Variants in MUC13 observed in about 807,000 individuals in gnomAD.
The protein encoded by MUC13 is mucin-13.
Under a neutral mutation model 48.3 loss-of-function variants are expected in MUC13, and 32 were observed. The observed-to-expected ratio is 0.66, with a 90% CI of 0.50 to 0.89. MUC13 has a LOEUF of 0.89. MUC13 is among the 40% of genes least tolerant of loss of function. The pLI is 0.00. For synonymous variants in MUC13, 199 were observed against 224.9 expected, an observed-to-expected ratio of 0.88 and a Z score of 1.03; for missense variants, 571 against 622.8, an observed-to-expected ratio of 0.92 and a Z score of 0.88.
At chr3:124,933,342 T>C (rs1272043771) in intron 1 of MUC13, among the ~76,000 whole-genome samples, 1 of 152,214 alleles carries the variant, frequency 6.6e-6, no homozygotes, top group South Asian at 2.1e-4. Flanking sequence ...CATGATATAA[T>C]GAGTATTTTA....
chr3:124,934,262 T>C (rs893130620), intron 1 of MUC13, among the ~76,000 whole-genome samples: 1 of 152,184 alleles, frequency 6.6e-6, no homozygotes, highest in African/African-American at 2.4e-5. Context: ...GTTCAAGCGA[T>C]TCTTTCTGCC....
At chr3:124,934,549 A>C (rs1935851044) in intron 1 of MUC13, 112 bp downstream of exon 1, 1 of 743,916 alleles carries the variant, frequency 1.3e-6, no homozygotes. Context: ...AACTTCATTT[A>C]TAAAATAGAC....
chr3:124,919,339 A>AC (rs1329746387), intron 5 of MUC13, among the ~76,000 whole-genome samples: 8 of 84,234 alleles, frequency 9.5e-5, no homozygotes, highest in African/African-American at 3.1e-4. Context: ...TTCCATCTCA[A>AC]AAAAAAAAAA....
At chr3:124,930,983 C>G (rs1302804774) in intron 1 of MUC13, among the ~76,000 whole-genome samples, 2 of 152,144 alleles carry the variant, frequency 1.3e-5, no homozygotes, top group Non-Finnish European at 2.9e-5. Context: ...AGTCAAGGTG[C>G]TATACAAGGC....
intron 6 of MUC13, among the ~76,000 whole-genome samples, chr3:124,916,028 C>T (rs1935506234): frequency 6.6e-6 from 1 of 152,160 alleles, no homozygotes; most frequent in Admixed American, 6.5e-5. Context: ...TGACATAAAG[C>T]CCTGTTGTTT....
intron 5 of MUC13, 82 bp downstream of exon 5, chr3:124,920,152 A>T: frequency 8.5e-7 from 1 of 1,180,194 alleles, no homozygotes; most frequent in Non-Finnish European, 1.2e-6. Context: ...AGAGGGCCTT[A>T]ATGTTACATG....
At chr3:124,920,336 T>C (rs1276447638) in intron 4 of MUC13, 47 bp from the exon 5 acceptor site, 2 of 1,434,766 alleles carry the variant, frequency 1.4e-6, no homozygotes, top group East Asian at 2.4e-5. Flanking sequence ...AATTTTTTTT[T>C]CACATTTTCT....
rs559806570 is a variant in MUC13 at position 124,931,400 on chromosome 3, C to T, written c.52+3261G>A. Among the ~76,000 whole-genome samples the T allele has an allele frequency of 3.2e-4, 48 of 148,030 alleles. 1 individual carries two copies. The highest frequency in any genetic ancestry group is 1.1e-3 in the African/African-American group (46 of 40,030). ...GAGCCAAGATCGTGACAACTGCACTCCAGCCTGGCAACAGAGCGAGACTCT... is the reference window on the plus strand; with the variant it reads ...GAGCCAAGATCGTGACAACTGCACTTCAGCCTGGCAACAGAGCGAGACTCT... On this transcript the variant is annotated intron_variant, in intron 1 of 11. Transcript: ENST00000616727.
intron 11 of MUC13, among the ~76,000 whole-genome samples, 186 bp downstream of exon 11, chr3:124,907,961 A>G (rs1389733948): frequency 1.3e-5 from 2 of 152,222 alleles, no homozygotes; most frequent in Non-Finnish European, 2.9e-5. Flanking sequence ...CTGTAGTCAC[A>G]TAGATGCTCA....
At chr3:124,919,958 C>G (rs1464637663) in intron 5 of MUC13, among the ~76,000 whole-genome samples, 3 of 152,176 alleles carry the variant, frequency 2.0e-5, no homozygotes, top group African/African-American at 7.2e-5. Context: ...CAAAGAGATC[C>G]AGATGATGTC....
chr3:124,931,880 T>C (rs1935805138), intron 1 of MUC13, among the ~76,000 whole-genome samples: 1 of 151,706 alleles, frequency 6.6e-6, no homozygotes, highest in Non-Finnish European at 1.5e-5. Flanking sequence ...CCGTCTCTAC[T>C]AAAAATACAA....
chr3:124,918,831 C>G (rs143446924), intron 5 of MUC13, among the ~76,000 whole-genome samples: 1 of 152,248 alleles, frequency 6.6e-6, no homozygotes, highest in East Asian at 1.9e-4. Flanking sequence ...AGCAGCTGTC[C>G]GCTGTACACC....
chr3:124,922,373 A>T, intron 3 of MUC13, 70 bp from the exon 4 acceptor site: 1 of 1,533,444 alleles, frequency 6.5e-7, no homozygotes. Flanking sequence ...GTTTTAAAAC[A>T]TAGATTATTT....
chr3:124,912,213 A>C, intron 8 of MUC13, 72 bp from the exon 9 acceptor site: 1 of 1,577,340 alleles, frequency 6.3e-7, no homozygotes, highest in South Asian at 1.2e-5. Flanking sequence ...TTCCCACCCC[A>C]ATCTCCACCT....
intron 5 of MUC13, among the ~76,000 whole-genome samples, chr3:124,918,577 C>T (rs193022101): frequency 2.6e-5 from 4 of 152,318 alleles, no homozygotes; most frequent in African/African-American, 4.8e-5. Context: ...TTACTCCTCA[C>T]AAGGCTCCAG....
chr3:124,911,817 T>G (rs1935424961), intron 9 of MUC13, among the ~76,000 whole-genome samples: 1 of 152,160 alleles, frequency 6.6e-6, no homozygotes, highest in Non-Finnish European at 1.5e-5. Context: ...ATGCAGGAAA[T>G]CAACATAATG....
In MUC13 at chr3:124,911,995, T is replaced by A. The variant is rs1041960630; in HGVS notation, c.1252+109A>T. 3 of 1,436,614 alleles carry A rather than the reference T, an allele frequency of 2.1e-6. No individual in the cohort carries two copies. The African/African-American group carries it at 4.3e-5, about 20-fold the overall frequency. 89.0% of individuals were successfully genotyped at this position (1,436,614 alleles called of 1,614,324 possible). On this transcript the variant is annotated intron_variant, in intron 9 of 11. Coordinates refer to ENST00000616727, the MANE Select transcript of MUC13 (RefSeq NM_033049.4). Reference sequence around the variant, plus strand: ...TGGAGGCAGATGGTCTCTCTCTTTATGAAAGAGGACAGAGACTTTGAAGGA... The same window carrying A: ...TGGAGGCAGATGGTCTCTCTCTTTAAGAAAGAGGACAGAGACTTTGAAGGA...
chr3:124,930,837 T>C (rs1048773898), intron 1 of MUC13, among the ~76,000 whole-genome samples: 3 of 152,230 alleles, frequency 2.0e-5, no homozygotes, highest in Non-Finnish European at 2.9e-5. Flanking sequence ...ACTCATCAGA[T>C]TCTGTGGAAT....
chr3:124,912,289 T>A (rs976068223), intron 8 of MUC13, 148 bp from the exon 9 acceptor site: 15 of 1,196,526 alleles, frequency 1.3e-5, no homozygotes, highest in African/African-American at 1.1e-4. Context: ...TTGCCTTCCT[T>A]ACACTCTCAT....
Sources: gnomAD v4.1 joint callset for allele counts (sites outside exome capture counted in the v4.1 genomes callset) on GRCh38, gnomAD v4.1.1 for gene constraint, MANE v1.5 for transcripts, NCBI Gene and HGNC (gene_info 2026-07-23, HGNC 2026-07-21) for gene names.